Variants in NCALD observed in about 807,000 individuals in gnomAD.
NCALD encodes the protein neurocalcin delta.
NCALD carries 10 observed loss-of-function variants against 18.6 expected under a neutral mutation model. The ratio of observed to expected loss-of-function variants is 0.54; its 90% CI spans 0.33 to 0.91. The LOEUF (loss-of-function observed/expected upper bound fraction) is 0.91. Ranked by LOEUF, NCALD falls within the 40% of genes least tolerant of loss-of-function variation. The pLI is 0.03. For missense variants in NCALD, 184 were observed against 247.6 expected (o/e 0.74, Z 1.72); for synonymous variants, 88 against 87.4 (o/e 1.01, Z -0.04).
intron 1 of NCALD, among the ~76,000 whole-genome samples, chr8:102,120,153 G>A (rs1396301207): frequency 2.0e-5 from 3 of 152,194 alleles, no homozygotes; most frequent in African/African-American, 7.2e-5. Context: ...TTCTAACGCT[G>A]TTTCTCTTAT....
chr8:102,040,922 T>C (rs1456390462), intron 1 of NCALD, among the ~76,000 whole-genome samples: 1 of 152,142 alleles, frequency 6.6e-6, no homozygotes, highest in Non-Finnish European at 1.5e-5. Flanking sequence ...AGTTTTGGTT[T>C]CTGGGCGCTG....
chr8:101,817,011 C>T (rs1254543487), intron 4 of NCALD, among the ~76,000 whole-genome samples: 2 of 152,256 alleles, frequency 1.3e-5, no homozygotes, highest in African/African-American at 4.8e-5. Context: ...GCTCTCTTCA[C>T]GGCTTGCCCT....
At chr8:101,785,415 A>T (rs1808128648) in intron 1 of NCALD, among the ~76,000 whole-genome samples, 1 of 152,222 alleles carries the variant, frequency 6.6e-6, no homozygotes, top group African/African-American at 2.4e-5. Flanking sequence ...TATTCACATA[A>T]GAAAACTCTG....
At chr8:101,951,767 T>A (rs1819433697) in intron 2 of NCALD, among the ~76,000 whole-genome samples, 1 of 152,210 alleles carries the variant, frequency 6.6e-6, no homozygotes, top group Admixed American at 6.5e-5. Context: ...CCACGATGGA[T>A]ATCCATCCTG....
In NCALD at chr8:101,970,998, G is replaced by T. The variant is rs148272163; in HGVS notation, c.-157+49239C>A. Among the ~76,000 whole-genome samples the T allele has an allele frequency of 2.0e-4, 30 of 152,218 alleles. No homozygotes were observed. In the East Asian group the frequency reaches 5.2e-3, roughly 26 times the overall value. ...ACTGGATTAGTTGTTATAAAGTGAG[G>T]TCCCTCCCTGTGTTTGCCTCCTTGC... On this transcript the variant is annotated intron_variant, in intron 2 of 6. Coordinates refer to the NCALD transcript ENST00000311028.
intron 2 of NCALD, among the ~76,000 whole-genome samples, chr8:101,993,843 G>C (rs1821140758): frequency 6.6e-6 from 1 of 152,166 alleles, no homozygotes; most frequent in African/African-American, 2.4e-5. Context: ...AAACTCCTTG[G>C]AGTCCTCTGA....
chr8:101,909,621 T>C (rs1366441352), intron 3 of NCALD, among the ~76,000 whole-genome samples: 1 of 152,204 alleles, frequency 6.6e-6, no homozygotes, highest in Non-Finnish European at 1.5e-5. Context: ...TAGGCTTTGT[T>C]ATCCCAGTGT....
At chr8:101,816,747 C>T (rs1399501255) in intron 4 of NCALD, among the ~76,000 whole-genome samples, 8 of 152,068 alleles carry the variant, frequency 5.3e-5, no homozygotes, top group Non-Finnish European at 1.2e-4. Context: ...CACATTTGTC[C>T]AAACCCATAG....
At chr8:102,122,639 CAT>C (rs1825976948) in intron 1 of NCALD, among the ~76,000 whole-genome samples, 1 of 152,216 alleles carries the variant, frequency 6.6e-6, no homozygotes, top group South Asian at 2.1e-4. Context: ...GGTATTAACT[CAT>C]TTTATCTTCA....
intron 2 of NCALD, among the ~76,000 whole-genome samples, chr8:102,000,600 G>A (rs188041317): frequency 2.4e-4 from 37 of 152,328 alleles, no homozygotes; most frequent in Admixed American, 3.9e-4. Flanking sequence ...CCTGAACCCC[G>A]AATAGCCTAA....
At chr8:101,939,960 T>C (rs184071607) in intron 2 of NCALD, among the ~76,000 whole-genome samples, 8 of 152,370 alleles carry the variant, frequency 5.3e-5, no homozygotes, top group Admixed American at 5.2e-4. Flanking sequence ...TTTCTCATCA[T>C]ACTATAAAAG....
At chr8:101,849,574 G>A (rs189297408) in intron 4 of NCALD, among the ~76,000 whole-genome samples, 2 of 152,120 alleles carry the variant, frequency 1.3e-5, no homozygotes, top group South Asian at 2.1e-4. Context: ...TTTTCCGATA[G>A]GAAACCAGAA....
chr8:101,870,201 C>G (rs1815945740), intron 4 of NCALD, among the ~76,000 whole-genome samples: 1 of 152,140 alleles, frequency 6.6e-6, no homozygotes, highest in Non-Finnish European at 1.5e-5. Flanking sequence ...AATTTCCCAT[C>G]ACAAATATAA....
intron 2 of NCALD, among the ~76,000 whole-genome samples, chr8:101,948,683 G>C (rs766457528): frequency 1.3e-5 from 2 of 152,290 alleles, no homozygotes; most frequent in African/African-American, 4.8e-5. Flanking sequence ...AGGAAGAAGA[G>C]CCTAGAAAGG....
intron 2 of NCALD, among the ~76,000 whole-genome samples, chr8:101,988,626 C>T (rs1423696618): frequency 1.3e-5 from 2 of 152,140 alleles, no homozygotes; most frequent in African/African-American, 2.4e-5. Flanking sequence ...TTGCTGTTGT[C>T]GTTATCTGTG....
chr8:101,690,630 G>T (rs115722686), intron 3 of NCALD: 1 of 985,362 alleles, frequency 1.0e-6, no homozygotes, highest in Non-Finnish European at 1.2e-6. Context: ...CTCCCTCCCC[G>T]CCAGAACCTA....
At chr8:101,772,606 C>T (rs528092649) in intron 1 of NCALD, among the ~76,000 whole-genome samples, 102 of 152,314 alleles carry the variant, frequency 6.7e-4, no homozygotes, top group African/African-American at 2.1e-3. Context: ...GGACTTGGCT[C>T]CATAATTTCA....
intron 4 of NCALD, among the ~76,000 whole-genome samples, chr8:101,817,644 C>T (rs975588120): frequency 3.3e-5 from 5 of 151,686 alleles, no homozygotes; most frequent in Non-Finnish European, 5.9e-5. Flanking sequence ...AAGGCATTGC[C>T]GACAATGAGG....
intron 1 of NCALD, among the ~76,000 whole-genome samples, chr8:102,027,022 G>A (rs1001064853): frequency 6.6e-6 from 1 of 152,208 alleles, no homozygotes; most frequent in African/African-American, 2.4e-5. Context: ...TGAGATACAG[G>A]GCACTATGTC....
Sources: gnomAD v4.1 joint callset for allele counts (sites outside exome capture counted in the v4.1 genomes callset) on GRCh38, gnomAD v4.1.1 for gene constraint, MANE v1.5 for transcripts, NCBI Gene and HGNC (gene_info 2026-07-23, HGNC 2026-07-21) for gene names.